BOD1L1: variants seen among roughly 807,000 people sequenced by gnomAD.
BOD1L1 encodes biorientation of chromosomes in cell division protein 1-like 1.
In BOD1L1, 86 loss-of-function variants were observed where a neutral mutation model predicts 240.7. The observed-to-expected ratio is 0.36, with a 90% confidence interval of 0.30 to 0.43. The LOEUF (loss-of-function observed/expected upper bound fraction) is 0.43, where lower values mean the gene tolerates loss of function less well. Among genes scored for constraint, BOD1L1 ranks in the 20% least tolerant of loss-of-function variants. The probability of loss-of-function intolerance (pLI) is 1.00; values close to 1 mark genes in which losing one functional copy is unlikely to be tolerated. For missense variants in BOD1L1, 3,554 were observed against 3,643.5 expected (o/e 0.98, Z 0.63); for synonymous variants, 1,268 against 1,272.3 (o/e 1.00, Z 0.07).
At position 13,582,681 on chromosome 4, in the gene BOD1L1, C is replaced by T; in HGVS notation, c.8489G>A (p.Ser2830Asn). The T allele has an allele frequency of 1.2e-6, 2 of 1,613,052 alleles. No homozygotes were observed. The highest frequency in any genetic ancestry group is 8.5e-7 in the Non-Finnish European group (1 of 1,179,082). ...ELPKTSSETN[S>N]TTSRVMEEKD... ...TTCTTCCATGACCCTTGAGGTAGTG[C>T]TATTTGTCTCAGAACTGGTTTTAGG... Residue 2830 changes from serine (S) to asparagine (N), a missense_variant, in exon 18 of 26, where the codon AGC becomes AAC. Around this residue, in one of 2 missense-constraint regions of BOD1L1, gnomAD observed 3,393 missense variants for 3,427.1 expected, o/e 0.99. Transcript: ENST00000040738.
Position 13,601,465 on chromosome 4 carries a change from C to T in BOD1L1, c.5435G>A (p.Ser1812Asn). 1.9e-6 allele frequency: 3 copies of T among 1,614,046 alleles called. No individual in the cohort carries two copies. The highest frequency in any genetic ancestry group is 2.5e-6 in the Non-Finnish European group (3 of 1,179,900). The stretch of plus-strand genomic sequence containing the variant: ...AGAACTTATAGCAAAGCCTTCGCTG[C>T]TATCTTCTGAACCTGTGCAACTTGC... ...GPASCTGSED[S>N]SEGFAISSES... is the part of the protein sequence containing the mutation. The change falls in exon 10 of 26, where the codon AGC becomes AAC. Residue 1812 changes from serine (S) to asparagine (N), a missense_variant. Transcript: ENST00000040738.
At chr4:13,583,420 T>C (rs542110992) in intron 17 of BOD1L1, among the ~76,000 whole-genome samples, 8 of 152,354 alleles carry the variant, frequency 5.3e-5, no homozygotes, top group East Asian at 1.9e-4. Flanking sequence ...AATAGAAATA[T>C]ATTCTTGTGG....
Position 13,604,439 on chromosome 4 carries a change from G to T in BOD1L1, c.2461C>A (p.Arg821Ser), listed in dbSNP as rs772980975. The T allele has an allele frequency of 6.4e-7, 1 of 1,566,590 alleles. No homozygotes were observed. Among genetic ancestry groups the T allele is most frequent in the Admixed American group, 2.2e-5 (1 of 46,348 alleles). The change falls in exon 10 of 26, where the codon CGT becomes AGT. Residue 821 changes from arginine (R) to serine (S), a missense_variant. Coordinates refer to ENST00000040738, the MANE Select transcript of BOD1L1 (RefSeq NM_148894.3). ...CTCTCTTTTTTGTTGTTTTCTTTAC[G>T]AACATTCTCATCTGTTTTTATAATA... ...EYIIKTDENV[R>S]KENNKKERRL...
At chr4:13,620,113 C>T in intron 1 of BOD1L1, 46 bp from the exon 2 acceptor site, 1 of 1,511,124 alleles carries the variant, frequency 6.6e-7, no homozygotes, top group Non-Finnish European at 8.9e-7. Flanking sequence ...TATACAGTAT[C>T]AATATTCACC....
chr4:13,604,046 A>G lies in BOD1L1; in HGVS notation c.2854T>C (p.Ser952Pro). 6.2e-7 allele frequency: 1 copy of G among 1,613,708 alleles called. No individual in the cohort carries two copies. The highest frequency in any genetic ancestry group is 1.1e-5 in the South Asian group (1 of 91,078). The change falls in exon 10 of 26, where the codon TCA becomes CCA. Residue 952 changes from serine (S) to proline (P), a missense_variant. Ser to Pro is a moderately conservative substitution (Grantham distance 74, BLOSUM62 -1). Around this residue, in one of 2 missense-constraint regions of BOD1L1, gnomAD observed 3,393 missense variants for 3,427.1 expected, o/e 0.99. Transcript: ENST00000040738. ...DKEKNTEEND[S>P]EKQRKSKVED... ...ACTTTAGACTTACGCTGTTTTTCTGAGTCATTTTCTTCTGTGTTCTTCTCC... is the reference window on the plus strand; with the variant it reads ...ACTTTAGACTTACGCTGTTTTTCTGGGTCATTTTCTTCTGTGTTCTTCTCC...
At chr4:13,572,925 T>C (rs1712336256) in intron 25 of BOD1L1, 11 of 1,167,758 alleles carry the variant, frequency 9.4e-6, no homozygotes, top group African/African-American at 3.2e-5. Context: ...ATGAGGCTCC[T>C]TGTGGGCAAG....
At chr4:13,608,914 A>G (rs988145812) in intron 7 of BOD1L1, among the ~76,000 whole-genome samples, 1 of 152,152 alleles carries the variant, frequency 6.6e-6, no homozygotes, top group Non-Finnish European at 1.5e-5. Context: ...GAGGGAATAC[A>G]ATTTTGTTCA....
At chr4:13,572,815 A>G in intron 25 of BOD1L1, 2 of 1,289,776 alleles carry the variant, frequency 1.6e-6, no homozygotes, top group South Asian at 2.5e-5. Flanking sequence ...TGGATGTTGC[A>G]CGTGCAGATG....
chr4:13,609,002 T>A (rs917504473), intron 7 of BOD1L1, among the ~76,000 whole-genome samples: 3 of 152,192 alleles, frequency 2.0e-5, no homozygotes, highest in South Asian at 4.1e-4. Flanking sequence ...CAGCAAGGGT[T>A]GATAACTCAT....
At chr4:13,578,269 G>T (rs1712933099) in intron 22 of BOD1L1, 1 of 152,100 alleles carries the variant, frequency 6.6e-6, no homozygotes, top group Non-Finnish European at 1.5e-5. Context: ...AAGAAAAAAG[G>T]GGGCATATAA....
chr4:13,603,988 T>G lies in BOD1L1; in HGVS notation c.2912A>C (p.Glu971Ala). 6.2e-7 allele frequency: 1 copy of G among 1,613,948 alleles called. No homozygotes were observed. The highest frequency in any genetic ancestry group is 8.5e-7 in the Non-Finnish European group (1 of 1,179,874). The change falls in exon 10 of 26, where the codon GAA (glutamate) becomes GCA (alanine). Residue 971 changes from glutamate to alanine, a missense_variant. Glu to Ala is a moderately radical substitution (Grantham distance 107, BLOSUM62 -1). Coordinates refer to ENST00000040738, the MANE Select transcript of BOD1L1 (RefSeq NM_148894.3). ...AGAAGAAGCAGTCTCTAATACAGGT[T>G]CAACACCAGTTTCTTCAAAAGGTTT... The part of the protein sequence containing the change: ...EDKPFEETGV[E>A]PVLETASSSA...
At chr4:13,583,293 T>C (rs1280257385) in intron 17 of BOD1L1, among the ~76,000 whole-genome samples, 1 of 152,186 alleles carries the variant, frequency 6.6e-6, no homozygotes, top group Non-Finnish European at 1.5e-5. Context: ...CAAAAATACA[T>C]AAAGTAGAAT....
chr4:13,574,676 C>T (rs1186367209), intron 25 of BOD1L1, among the ~76,000 whole-genome samples: 1 of 152,016 alleles, frequency 6.6e-6, no homozygotes, highest in Non-Finnish European at 1.5e-5. Flanking sequence ...GTGTTGGGCT[C>T]CAGCACCCTC....
In BOD1L1 at chr4:13,580,407, G is replaced by A. The variant is rs149183360; in HGVS notation, c.8704-434C>T. Among the ~76,000 whole-genome samples, 123 of 152,248 alleles carry A rather than the reference G, an allele frequency of 8.1e-4. 2 individuals are homozygous for A. The East Asian group carries it at 0.02, about 25-fold the overall frequency. ...TGATTGGCCCTAAGTCACAGGTCTCGGGATAAGTGACAAAGCTGAGGCTTG... is the reference window on the plus strand; with the variant it reads ...TGATTGGCCCTAAGTCACAGGTCTCAGGATAAGTGACAAAGCTGAGGCTTG... On this transcript the variant is annotated intron_variant, in intron 21 of 25. Transcript: ENST00000040738.
chr4:13,571,046 C>G (rs1035658797), intron 25 of BOD1L1, among the ~76,000 whole-genome samples: 1 of 152,212 alleles, frequency 6.6e-6, no homozygotes, highest in Non-Finnish European at 1.5e-5. Flanking sequence ...AAATTTGACT[C>G]ATGAAATTTT....
rs1315356015 is a variant in BOD1L1 at position 13,601,804 on chromosome 4, G to A, written c.5096C>T (p.Ala1699Val). The change falls in exon 10 of 26, where the codon GCA (alanine) becomes GTA (valine). Residue 1699 changes from alanine (A) to valine (V), a missense_variant. Around this residue, in one of 2 missense-constraint regions of BOD1L1, gnomAD observed 3,393 missense variants for 3,427.1 expected, o/e 0.99. Coordinates refer to ENST00000040738, the MANE Select transcript of BOD1L1 (RefSeq NM_148894.3). ...CACCTCTTCACTGCTTATAGATCCT[G>A]CTCTTATCTCTGTTCCAGCACTTGT... ...AVTSAGTEIR[A>V]GSISSEEVDG... is the part of the protein sequence containing the mutation. 2 of 1,613,740 alleles carry A rather than the reference G, an allele frequency of 1.2e-6. No individual in the cohort carries two copies. The highest frequency in any genetic ancestry group is 8.5e-7 in the Non-Finnish European group (1 of 1,179,890).
chr4:13,572,768 C>A, intron 25 of BOD1L1: 1 of 1,289,680 alleles, frequency 7.8e-7, no homozygotes, highest in Non-Finnish European at 1.0e-6. Context: ...TAATTTTTGG[C>A]GATTTCTAGG....
chr4:13,617,100 C>A (rs1209713390), intron 2 of BOD1L1, among the ~76,000 whole-genome samples: 3 of 152,026 alleles, frequency 2.0e-5, no homozygotes, highest in African/African-American at 7.2e-5. Context: ...CAAAAATTAG[C>A]TGGGTGTGGT....
At position 13,588,923 on chromosome 4, in the gene BOD1L1, G is replaced by A. The variant is rs1577328475; in HGVS notation, c.8210-131C>T. The stretch of plus-strand genomic sequence containing the variant: ...TTATTGAGTACCAGTTATATACAGG[G>A]CATTGTGGTAGATAGTCACAAATGA... On this transcript the variant is annotated intron_variant, in intron 14 of 25. Coordinates refer to ENST00000040738, the MANE Select transcript of BOD1L1 (RefSeq NM_148894.3). The A allele has an allele frequency of 7.9e-5, 44 of 557,588 alleles. No homozygotes were observed. The East Asian group carries it at 1.3e-3, about 17-fold the overall frequency. The allele number at this position is 557,588 out of a possible 1,614,324, so 34.5% of individuals were successfully genotyped here.
Sources: allele counts gnomAD v4.1 joint callset (sites outside exome capture counted in the v4.1 genomes callset), GRCh38; gene constraint gnomAD v4.1.1; regional missense constraint gnomAD v4.1.1; transcripts MANE v1.5; gene names NCBI Gene and HGNC (gene_info 2026-07-23, HGNC 2026-07-21).